ENTPD1: variants seen among roughly 807,000 people sequenced by gnomAD.
ENTPD1 encodes ectonucleoside triphosphate diphosphohydrolase 1, also known as ATP diphosphohydrolase.
Under a neutral mutation model 57.0 loss-of-function variants are expected in ENTPD1, and 33 were observed. The ratio of observed to expected loss-of-function variants is 0.58; its 90% CI spans 0.44 to 0.77. ENTPD1 has a LOEUF of 0.77. Among genes scored for constraint, ENTPD1 ranks in the 30% least tolerant of loss-of-function variants. ENTPD1 has a pLI of 0.00. For missense variants in ENTPD1, 501 were observed against 603.4 expected, an observed-to-expected ratio of 0.83 and a Z score of 1.78; for synonymous variants, 202 against 218.8, an observed-to-expected ratio of 0.92 and a Z score of 0.68.
At chr10:95,696,545 G>A in the ENTPD1 span, among the ~76,000 whole-genome samples, 1 of 152,218 alleles carries the variant, frequency 6.6e-6, no homozygotes, top group African/African-American at 2.4e-5. Context: ...CTCCCGAAGT[G>A]TTGGGATTAC....
chr10:95,758,577 C>T (rs974053059), intron 1 of ENTPD1, among the ~76,000 whole-genome samples: 2 of 152,162 alleles, frequency 1.3e-5, no homozygotes, highest in African/African-American at 4.8e-5. Context: ...CATACTTGTC[C>T]ATGCTCCTGC....
chr10:95,701,422 A>T, the ENTPD1 span, among the ~76,000 whole-genome samples: 1 of 152,254 alleles, frequency 6.6e-6, no homozygotes, highest in Non-Finnish European at 1.5e-5. Context: ...ATCTAAAGAC[A>T]TTGTTTTAAA....
chr10:95,811,134 A>G (rs2098305116), intron 1 of ENTPD1, among the ~76,000 whole-genome samples: 1 of 152,228 alleles, frequency 6.6e-6, no homozygotes, highest in Non-Finnish European at 1.5e-5. Flanking sequence ...ACATAACCCC[A>G]GAGGGGCAGA....
chr10:95,822,774 G>A (rs2098358291), intron 1 of ENTPD1, among the ~76,000 whole-genome samples: 1 of 152,238 alleles, frequency 6.6e-6, no homozygotes, highest in Non-Finnish European at 1.5e-5. Context: ...CAAGGGGTAT[G>A]TATGTCAAGC....
rs1165550877 is a variant in ENTPD1 at position 95,876,459 on chromosome 10, A to G, written c.*10076A>G. On this transcript the variant is annotated 3_prime_UTR_variant, in exon 10 of 10. Transcript: ENST00000371205. ...CTATAGGCATACCATAATTGTAATC[A>G]ATAGCTTAAAAATATGTCTCTCTGT... The G allele has an allele frequency of 8.1e-7, 1 of 1,231,286 alleles. No homozygotes were observed. The highest frequency in any genetic ancestry group is 4.2e-5 in the Admixed American group (1 of 23,696). The allele number at this position is 1,231,286 out of a possible 1,614,324, so 76.3% of individuals were successfully genotyped here.
intron 1 of ENTPD1, among the ~76,000 whole-genome samples, chr10:95,741,666 A>C (rs1400224355): frequency 6.6e-6 from 1 of 152,182 alleles, no homozygotes; most frequent in Non-Finnish European, 1.5e-5. Flanking sequence ...AAAAATCAGC[A>C]GTGTGAGGCA....
At chr10:95,720,627 G>A (rs147879343) in intron 1 of ENTPD1, among the ~76,000 whole-genome samples, 11,140 of 152,238 alleles carry the variant, frequency 0.073, 450 homozygotes, top group African/African-American at 0.097. Context: ...GTGATGGCAT[G>A]GGCTGGTGCT....
intron 1 of ENTPD1, 33 bp downstream of exon 1, chr10:95,756,288 AAGAAAAAAAAAAT>A (rs1165703066): frequency 3.2e-6 from 5 of 1,556,960 alleles, no homozygotes; most frequent in Admixed American, 3.9e-5. Flanking sequence ...CTGAATCCTT[AAGAAAAAAAAAAT>A]AGAAGGAAAA....
upstream of ENTPD1, among the ~76,000 whole-genome samples, chr10:95,707,052 G>A (rs2097962857): frequency 6.6e-6 from 1 of 152,340 alleles, no homozygotes; most frequent in Admixed American, 6.5e-5. Context: ...GCCGGGTCCT[G>A]TGCCTGGGAG....
At chr10:95,852,610 A>C (rs1042068032) in intron 7 of ENTPD1, among the ~76,000 whole-genome samples, 2 of 152,174 alleles carry the variant, frequency 1.3e-5, no homozygotes, top group African/African-American at 4.8e-5. Flanking sequence ...TTTTTGTCTA[A>C]GGTGTAAGGA....
rs1055775675 is a variant in ENTPD1, at chr10:95,771,030, G to A, written c.16+14775G>A. Among the ~76,000 whole-genome samples, 6 of 152,088 alleles carry A rather than the reference G, an allele frequency of 3.9e-5. No homozygotes were observed. The East Asian group carries it at 7.7e-4, about 20-fold the overall frequency. ...CATATGACTTTTTAGTCTTTCTCTT[G>A]TTCCCTCTCTTTGGCTTACTTTTTA... On this transcript the variant is annotated intron_variant, in intron 1 of 9. Coordinates refer to ENST00000371205, the MANE Select transcript of ENTPD1 (RefSeq NM_001776.6).
intron 2 of ENTPD1, 146 bp from the exon 3 acceptor site, chr10:95,839,545 C>A (rs1458675195): frequency 3.8e-6 from 3 of 798,448 alleles, no homozygotes; most frequent in Admixed American, 1.8e-5. Flanking sequence ...ATCTTGTGAT[C>A]GGAGTGACTC....
At position 95,872,104 on chromosome 10, in the gene ENTPD1, A is replaced by T. The variant is rs1336471639; in HGVS notation, c.*5721A>T. ...TTTTTCTTTTTTATTTCTCCTTCTA[A>T]TATTACTGTTATTGCTCCAGTAAAG... On this transcript the variant is annotated 3_prime_UTR_variant, in exon 10 of 10. Transcript: ENST00000371205. 1.0e-6 allele frequency: 1 copy of T among 985,236 alleles called. No individual in the cohort carries two copies. The highest frequency in any genetic ancestry group is 1.2e-6 in the Non-Finnish European group (1 of 829,936). The allele number at this position is 985,236 out of a possible 1,614,324, so 61.0% of individuals were successfully genotyped here. A position where few individuals can be genotyped will look rare whatever the true frequency, so the allele number is the denominator to read the frequency against.
chr10:95,720,164 T>G (rs1236752693), intron 1 of ENTPD1, among the ~76,000 whole-genome samples: 1 of 152,136 alleles, frequency 6.6e-6, no homozygotes, highest in Non-Finnish European at 1.5e-5. Context: ...GCCTCGGGTG[T>G]AAGGGGGTAC....
At chr10:95,707,157 TCTGCAGCTGTTGGTCGTGGGGG>T (rs1348238367), upstream of ENTPD1, among the ~76,000 whole-genome samples, 1 of 152,150 alleles carries the variant, frequency 6.6e-6, no homozygotes, top group Non-Finnish European at 1.5e-5. Flanking sequence ...GGGGACCTGG[TCTGCAGCTGTTGGTCGTGGGGG>T]CTGCAGCTGC....
intron 1 of ENTPD1, among the ~76,000 whole-genome samples, chr10:95,795,720 G>C (rs1198193830): frequency 6.6e-6 from 1 of 152,150 alleles, no homozygotes; most frequent in Non-Finnish European, 1.5e-5. Context: ...TAAGAGGCAG[G>C]GTTGAGATCC....
chr10:95,853,664 G>T (rs1424101395), intron 7 of ENTPD1, among the ~76,000 whole-genome samples: 1 of 152,062 alleles, frequency 6.6e-6, no homozygotes. Flanking sequence ...TTTGTCAAAG[G>T]CCTTTTCTGC....
Position 95,868,094 on chromosome 10 carries a change from T to C in ENTPD1, c.*1711T>C. ...GCTCAAGGGTATTACATTCATCTTC[T>C]CATTTAATCCTCACAACAATCTGAA... On this transcript the variant is annotated 3_prime_UTR_variant, in exon 10 of 10. Transcript: ENST00000371205. 1.0e-6 allele frequency: 1 copy of C among 983,550 alleles called. No individual in the cohort carries two copies. Among genetic ancestry groups the C allele is most frequent in the Non-Finnish European group, 1.2e-6 (1 of 828,196 alleles). 60.9% of individuals were successfully genotyped at this position (983,550 alleles called of 1,614,324 possible).
intron 1 of ENTPD1, among the ~76,000 whole-genome samples, chr10:95,775,330 G>T (rs1239577479): frequency 6.6e-6 from 1 of 152,068 alleles, no homozygotes; most frequent in Non-Finnish European, 1.5e-5. Flanking sequence ...TCTTTCTCTT[G>T]CCTGATTGCC....
Sources: gnomAD v4.1 joint callset for allele counts (sites outside exome capture counted in the v4.1 genomes callset) on GRCh38, gnomAD v4.1.1 for gene constraint, MANE v1.5 for transcripts, NCBI Gene and HGNC (gene_info 2026-07-23, HGNC 2026-07-21) for gene names.